The following DIAPH2 variants were observed in gnomAD, a reference collection of about 807,000 sequenced individuals.
The protein encoded by DIAPH2 is protein diaphanous homolog 2.
In DIAPH2, 35 loss-of-function variants were observed where a neutral mutation model predicts 92.7. The observed-to-expected ratio is 0.38, with a 90% CI of 0.29 to 0.50. The LOEUF (loss-of-function observed/expected upper bound fraction) is 0.50, where lower values mean the gene tolerates loss of function less well. Ranked by LOEUF, DIAPH2 falls within the 20% of genes least tolerant of loss-of-function variation. DIAPH2 has a pLI of 0.94. For missense variants in DIAPH2, 701 were observed against 819.5 expected (o/e 0.86, Z 1.77); for synonymous variants, 301 against 280.4 (o/e 1.07, Z -0.73).
intron 17 of DIAPH2, among the ~76,000 whole-genome samples, chrX:97,006,133 T>G (rs1476284288): frequency 8.9e-6 from 1 of 111,762 alleles, no homozygotes; most frequent in Non-Finnish European, 1.9e-5. Flanking sequence ...CCCTTTGTTA[T>G]TGATTTCTAG....
intron 23 of DIAPH2, among the ~76,000 whole-genome samples, chrX:97,336,243 CTTTTTTTTTTTTTT>C (rs1186112131): frequency 3.3e-5 from 3 of 91,730 alleles, no homozygotes; most frequent in South Asian, 1.0e-3. Context: ...CTTTTCTTTT[CTTTTTTTTTTTTTT>C]TTTTTGAGAC....
At position 97,185,517 on chromosome X, in the gene DIAPH2, A is replaced by ATC. The variant is rs1241776471; in HGVS notation, c.2719+43724_2719+43725insCT. ...TATATATATATATATATATATATAT[A>ATC]TATCTCACTTCTTCATACTGAATTG... is the stretch of plus-strand genomic sequence containing the variant. On this transcript the variant is annotated intron_variant, in intron 22 of 26. Coordinates refer to ENST00000324765, the MANE Select transcript of DIAPH2 (RefSeq NM_006729.5). 3.7e-4 allele frequency among the ~76,000 whole-genome samples: 16 copies of ATC among 43,603 alleles called. 1 individual carries two copies. Among genetic ancestry groups the ATC allele is most frequent in the Middle Eastern group, 0.019 (1 of 52 alleles). 37.9% of individuals were successfully genotyped at this position (43,603 alleles called of 115,157 possible).
chrX:96,688,190 T>A (rs1410808659), intron 1 of DIAPH2, among the ~76,000 whole-genome samples: 2 of 112,187 alleles, frequency 1.8e-5, no homozygotes, highest in Admixed American at 9.4e-5. Flanking sequence ...CAGTATTTGA[T>A]GTTTTTGCAT....
intron 25 of DIAPH2, among the ~76,000 whole-genome samples, chrX:97,390,095 G>A (rs1485558518): frequency 1.8e-5 from 2 of 109,577 alleles, no homozygotes; most frequent in East Asian, 2.9e-4. Flanking sequence ...AATAAGTACC[G>A]AACAACTATG....
chrX:97,046,147 G>A (rs1330081055), intron 17 of DIAPH2, among the ~76,000 whole-genome samples: 1 of 107,289 alleles, frequency 9.3e-6, no homozygotes, highest in African/African-American at 3.4e-5. Flanking sequence ...ATGAGCCACC[G>A]TGCCCAGCCT....
intron 20 of DIAPH2, among the ~76,000 whole-genome samples, chrX:97,107,978 A>T (rs1300276153): frequency 9.1e-6 from 1 of 109,665 alleles, no homozygotes; most frequent in African/African-American, 3.3e-5. Context: ...TTTCCGTCAC[A>T]TATGATTTTT....
At chrX:96,905,926 G>A (rs912835471) in intron 5 of DIAPH2, among the ~76,000 whole-genome samples, 7 of 111,970 alleles carry the variant, frequency 6.3e-5, no homozygotes, top group African/African-American at 2.3e-4. Flanking sequence ...TCAGGAGATC[G>A]AGACCATCCT....
At chrX:96,816,018 A>G (rs1463425024) in intron 4 of DIAPH2, among the ~76,000 whole-genome samples, 1 of 111,405 alleles carries the variant, frequency 9.0e-6, no homozygotes, top group African/African-American at 3.3e-5. Flanking sequence ...CCTGTCGACA[A>G]CCACTTTGAG....
intron 17 of DIAPH2, among the ~76,000 whole-genome samples, chrX:96,997,136 A>C (rs367883957): frequency 8.9e-6 from 1 of 111,830 alleles, no homozygotes; most frequent in East Asian, 2.8e-4. Flanking sequence ...TAGTGTAAAA[A>C]AAATCTTGGG....
intron 26 of DIAPH2, among the ~76,000 whole-genome samples, chrX:97,447,700 G>A (rs925281605): frequency 1.3e-4 from 15 of 111,625 alleles, no homozygotes; most frequent in East Asian, 8.5e-4. Flanking sequence ...AATGTTGAAA[G>A]CACGGTTAAA....
At position 97,555,449 on chromosome X, in the gene DIAPH2, A is replaced by G. The variant is rs757241024; in HGVS notation, c.3242-43804A>G. The G allele has an allele frequency of 3.3e-5, 25 of 749,186 alleles. No individual in the cohort carries two copies. In the African/African-American group the frequency reaches 5.8e-4, roughly 17 times the overall value. 61.7% of individuals were successfully genotyped at this position (749,186 alleles called of 1,213,427 possible). On this transcript the variant is annotated intron_variant, in intron 26 of 26. Coordinates refer to ENST00000324765, the MANE Select transcript of DIAPH2 (RefSeq NM_006729.5). ...ACAGTTTTTAAGTGAAGGAGATAAG[A>G]AGAAAGAGCTAGCTGCAAAGGTGAG... is the stretch of plus-strand genomic sequence containing the variant.
chrX:97,349,652 A>G (rs1049542598), intron 24 of DIAPH2, among the ~76,000 whole-genome samples: 2 of 111,219 alleles, frequency 1.8e-5, no homozygotes, highest in South Asian at 7.6e-4. Context: ...AAGTTAATCC[A>G]CAAACTTCCA....
At chrX:97,308,286 A>G (rs1387520898) in intron 23 of DIAPH2, among the ~76,000 whole-genome samples, 4 of 111,761 alleles carry the variant, frequency 3.6e-5, no homozygotes, top group African/African-American at 9.8e-5. Context: ...ACAGTATTTC[A>G]TTGCTGCTTA....
intron 5 of DIAPH2, among the ~76,000 whole-genome samples, chrX:96,889,451 A>G (rs1368840166): frequency 8.9e-6 from 1 of 112,071 alleles, no homozygotes; most frequent in East Asian, 2.8e-4. Context: ...CATGTGATAA[A>G]TTACGAAAAC....
intron 23 of DIAPH2, among the ~76,000 whole-genome samples, chrX:97,319,515 T>C (rs2068872601): frequency 9.1e-6 from 1 of 109,321 alleles, no homozygotes; most frequent in Non-Finnish European, 1.9e-5. Flanking sequence ...GCCTCCCAAG[T>C]AGCTGGGACT....
chrX:96,933,673 G>C lies in DIAPH2; in HGVS notation c.1089+2830G>C, dbSNP rs761289573. Among the ~76,000 whole-genome samples, 137 of 106,384 alleles carry C rather than the reference G, an allele frequency of 1.3e-3. 1 individual carries two copies. Among genetic ancestry groups the C allele is most frequent in the Non-Finnish European group, 2.3e-3 (121 of 51,809 alleles). 92.4% of individuals were successfully genotyped at this position (106,384 alleles called of 115,157 possible). On this transcript the variant is annotated intron_variant, in intron 10 of 26. Coordinates refer to ENST00000324765, the MANE Select transcript of DIAPH2 (RefSeq NM_006729.5). ...GGCTGGAGTGCAGTGGCGTGATCTTGGCTCACTGCAACCTCTGCCTCCCGG... is the reference window on the plus strand; with the variant it reads ...GGCTGGAGTGCAGTGGCGTGATCTTCGCTCACTGCAACCTCTGCCTCCCGG...
chrX:97,091,372 C>T (rs1569298877), intron 19 of DIAPH2, among the ~76,000 whole-genome samples: 1 of 110,850 alleles, frequency 9.0e-6, no homozygotes, highest in Non-Finnish European at 1.9e-5. Context: ...CAGCATCAGT[C>T]TTCTGAGATC....
At chrX:97,246,209 C>T (rs1388425098) in intron 22 of DIAPH2, among the ~76,000 whole-genome samples, 1 of 110,226 alleles carries the variant, frequency 9.1e-6, no homozygotes, top group African/African-American at 3.3e-5. Flanking sequence ...CCACCGCGCT[C>T]GGCCTGTCTT....
At chrX:97,207,313 G>T (rs1291236968) in intron 22 of DIAPH2, among the ~76,000 whole-genome samples, 3 of 111,693 alleles carry the variant, frequency 2.7e-5, no homozygotes, top group Non-Finnish European at 5.6e-5. Context: ...TTAAACCCAA[G>T]TTAGATTGAA....
Sources: allele counts gnomAD v4.1 joint callset (sites outside exome capture counted in the v4.1 genomes callset), GRCh38; gene constraint gnomAD v4.1.1; transcripts MANE v1.5; gene names NCBI Gene and HGNC (gene_info 2026-07-23, HGNC 2026-07-21).